The following ANKS1B variants were observed in gnomAD, a reference collection of about 807,000 sequenced individuals.
ANKS1B encodes the protein ankyrin repeat and sterile alpha motif domain-containing protein 1B.
In ANKS1B, 36 loss-of-function variants were observed where a neutral mutation model predicts 148.3. The ratio of observed to expected loss-of-function variants is 0.24; its 90% CI spans 0.19 to 0.32. The LOEUF (loss-of-function observed/expected upper bound fraction) is 0.32. Ranked by LOEUF, ANKS1B falls within the 10% of genes least tolerant of loss-of-function variation. The pLI is 1.00. For missense variants in ANKS1B, 1,157 were observed against 1,542.6 expected, an observed-to-expected ratio of 0.75 and a Z score of 4.19; for synonymous variants, 542 against 560.8, an observed-to-expected ratio of 0.97 and a Z score of 0.47.
chr12:99,628,464 T>C (rs2098129960), intron 9 of ANKS1B, among the ~76,000 whole-genome samples: 1 of 152,226 alleles, frequency 6.6e-6, no homozygotes. Context: ...GGATTCTGGT[T>C]ACATGTGAAA....
chr12:99,887,818 A>G (rs1223424343), intron 1 of ANKS1B, among the ~76,000 whole-genome samples: 3 of 152,232 alleles, frequency 2.0e-5, no homozygotes, highest in East Asian at 3.8e-4. Flanking sequence ...TTAAACTTCC[A>G]TAGTGGACAG....
At chr12:99,513,747 AT>A (rs2096789465) in intron 9 of ANKS1B, among the ~76,000 whole-genome samples, 1 of 152,028 alleles carries the variant, frequency 6.6e-6, no homozygotes. Flanking sequence ...CAGCTACCGC[AT>A]GCTAGTCCAG....
At chr12:99,214,088 T>A (rs1445809318) in intron 14 of ANKS1B, among the ~76,000 whole-genome samples, 1 of 151,876 alleles carries the variant, frequency 6.6e-6, no homozygotes, top group African/African-American at 2.4e-5. Context: ...CATTACTTAT[T>A]TTTTTATGTG....
chr12:98,744,994 C>G lies in ANKS1B; in HGVS notation c.*745G>C. ...ATGAAACCAGAAACATCCCTCGCAA[C>G]TAACCTAGTTTTCTTATCAATGCAT... On this transcript the variant is annotated 3_prime_UTR_variant, in exon 27 of 27. Transcript: ENST00000683438. The G allele has an allele frequency of 1.0e-6, 1 of 985,806 alleles. No homozygotes were observed. The highest frequency in any genetic ancestry group is 1.2e-6 in the Non-Finnish European group (1 of 829,902). The allele number at this position is 985,806 out of a possible 1,614,324, so 61.1% of individuals were successfully genotyped here.
At chr12:99,739,542 T>C (rs2059909197) in intron 8 of ANKS1B, among the ~76,000 whole-genome samples, 1 of 152,136 alleles carries the variant, frequency 6.6e-6, no homozygotes, top group Admixed American at 6.5e-5. Flanking sequence ...CAGGCCTTCG[T>C]AGAATTTTGT....
At chr12:99,531,085 A>G (rs1433207928) in intron 9 of ANKS1B, among the ~76,000 whole-genome samples, 1 of 152,168 alleles carries the variant, frequency 6.6e-6, no homozygotes, top group South Asian at 2.1e-4. Context: ...ATAGGCAATC[A>G]TAAATTCTAC....
intron 14 of ANKS1B, among the ~76,000 whole-genome samples, chr12:99,217,631 C>A (rs2084419239): frequency 6.6e-6 from 1 of 152,128 alleles, no homozygotes; most frequent in African/African-American, 2.4e-5. Context: ...TAGACCTGGT[C>A]CCTTTTCTCA....
intron 14 of ANKS1B, among the ~76,000 whole-genome samples, chr12:99,155,904 C>T (rs61940184): frequency 0.13 from 19,204 of 152,140 alleles, 1,442 homozygotes; most frequent in South Asian, 0.25. Flanking sequence ...CTTGCTTCTA[C>T]TCACTGCTCC....
At chr12:99,154,677 A>C in intron 14 of ANKS1B, 2 of 1,436,918 alleles carry the variant, frequency 1.4e-6, no homozygotes, top group South Asian at 1.5e-5. Context: ...AGCCCCCAAA[A>C]CCAGGCAGCA....
At chr12:99,271,048 A>G (rs759024337) in intron 12 of ANKS1B, among the ~76,000 whole-genome samples, 23 of 152,230 alleles carry the variant, frequency 1.5e-4, no homozygotes, top group Admixed American at 3.3e-4. Flanking sequence ...ATAAAGCCCA[A>G]TGCCTTCTCT....
intron 11 of ANKS1B, among the ~76,000 whole-genome samples, chr12:99,401,261 C>G (rs934552890): frequency 6.8e-6 from 1 of 146,086 alleles, no homozygotes; most frequent in African/African-American, 2.6e-5. Flanking sequence ...ACTGCTGAAT[C>G]TCAATTTCAC....
At chr12:99,703,610 C>G (rs960676362) in intron 8 of ANKS1B, among the ~76,000 whole-genome samples, 5 of 152,052 alleles carry the variant, frequency 3.3e-5, no homozygotes, top group Admixed American at 6.6e-5. Context: ...TCAGACACTG[C>G]TTTTGTGAAG....
intron 9 of ANKS1B, among the ~76,000 whole-genome samples, chr12:99,541,907 A>G (rs1355358488): frequency 6.6e-6 from 1 of 152,180 alleles, no homozygotes; most frequent in African/African-American, 2.4e-5. Flanking sequence ...CAAACTAGAA[A>G]GAATGAGAAT....
intron 17 of ANKS1B, among the ~76,000 whole-genome samples, chr12:98,964,663 T>C (rs1433277786): frequency 1.3e-5 from 2 of 152,164 alleles, no homozygotes; most frequent in African/African-American, 4.8e-5. Flanking sequence ...ACAACGTGGA[T>C]GGAACACGAG....
intron 12 of ANKS1B, among the ~76,000 whole-genome samples, chr12:99,332,429 C>A (rs1353513332): frequency 2.6e-5 from 4 of 151,984 alleles, no homozygotes; most frequent in African/African-American, 9.7e-5. Context: ...CACTTTGCTA[C>A]CAGTTATTGA....
At chr12:99,024,703 C>T (rs552257377) in intron 17 of ANKS1B, among the ~76,000 whole-genome samples, 4 of 152,152 alleles carry the variant, frequency 2.6e-5, no homozygotes, top group East Asian at 1.9e-4. Context: ...GTAAAGAGAC[C>T]GCCCTTCCTG....
intron 12 of ANKS1B, among the ~76,000 whole-genome samples, chr12:99,278,131 C>G (rs557568789): frequency 6.6e-6 from 1 of 152,342 alleles, no homozygotes; most frequent in East Asian, 1.9e-4. Flanking sequence ...AGCTGCCCAT[C>G]AGGAATTACA....
chr12:98,974,529 T>C (rs554709105), intron 17 of ANKS1B, among the ~76,000 whole-genome samples: 3 of 152,202 alleles, frequency 2.0e-5, no homozygotes, highest in Non-Finnish European at 2.9e-5. Flanking sequence ...TCTGGAATGG[T>C]TGAATTGAAG....
At position 98,745,568 on chromosome 12, in the gene ANKS1B, T is replaced by C. The variant is rs1480137987; in HGVS notation, c.*171A>G. 6 of 1,388,316 alleles carry C rather than the reference T, an allele frequency of 4.3e-6. No individual in the cohort carries two copies. The Admixed American group carries it at 1.3e-4, about 30-fold the overall frequency. The allele number at this position is 1,388,316 out of a possible 1,614,324, so 86.0% of individuals were successfully genotyped here. On this transcript the variant is annotated 3_prime_UTR_variant, in exon 27 of 27. Coordinates refer to ENST00000683438, the MANE Select transcript of ANKS1B (RefSeq NM_001352186.2). ...TGGAAAGTCTTGCGTTTTCCATCAC[T>C]GGTGCAGAAAGAACTTCCCCAGGAA...
Sources: gnomAD v4.1 joint callset for allele counts (sites outside exome capture counted in the v4.1 genomes callset) on GRCh38, gnomAD v4.1.1 for gene constraint, MANE v1.5 for transcripts, NCBI Gene and HGNC (gene_info 2026-07-23, HGNC 2026-07-21) for gene names.